TMEM132D: variants seen among roughly 807,000 people sequenced by gnomAD.
TMEM132D encodes transmembrane protein 132D, also known as mature OL transmembrane protein.
A neutral mutation model predicts 62.3 loss-of-function variants in TMEM132D; 21 were observed. The ratio of observed to expected loss-of-function variants is 0.34; its 90% CI spans 0.24 to 0.49. The LOEUF (loss-of-function observed/expected upper bound fraction) is 0.49. Ranked by LOEUF, TMEM132D falls within the 20% of genes least tolerant of loss-of-function variation. The pLI is 0.99. For synonymous variants in TMEM132D, 621 were observed against 575.6 expected, an observed-to-expected ratio of 1.08 and a Z score of -1.13; for missense variants, 1,346 against 1,402.8, an observed-to-expected ratio of 0.96 and a Z score of 0.65.
intron 3 of TMEM132D, among the ~76,000 whole-genome samples, chr12:129,460,457 T>C (rs1230689396): frequency 1.3e-5 from 2 of 152,198 alleles, no homozygotes; most frequent in Non-Finnish European, 2.9e-5. Flanking sequence ...GTAGCAGCTG[T>C]GACATCTATT....
intron 5 of TMEM132D, among the ~76,000 whole-genome samples, chr12:129,104,856 C>A (rs1283535895): frequency 7.1e-6 from 1 of 141,408 alleles, no homozygotes. Context: ...CCATCTTACA[C>A]CAGTTAGAAT....
intron 2 of TMEM132D, among the ~76,000 whole-genome samples, chr12:129,656,586 C>G (rs1049970484): frequency 6.6e-6 from 1 of 152,092 alleles, no homozygotes; most frequent in African/African-American, 2.4e-5. Context: ...AGATGTAATA[C>G]AGTAGAGGGG....
chr12:129,859,330 A>G (rs1226293299), intron 1 of TMEM132D, among the ~76,000 whole-genome samples: 1 of 152,256 alleles, frequency 6.6e-6, no homozygotes, highest in Non-Finnish European at 1.5e-5. Context: ...CTTTGCCATT[A>G]AACGTAATAG....
At chr12:129,222,127 A>G (rs1191999236) in intron 4 of TMEM132D, among the ~76,000 whole-genome samples, 2 of 152,112 alleles carry the variant, frequency 1.3e-5, no homozygotes, top group African/African-American at 4.8e-5. Context: ...AAAATAATAA[A>G]ATAAAATAAT....
intron 2 of TMEM132D, among the ~76,000 whole-genome samples, chr12:129,674,629 T>G (rs1880584995): frequency 6.6e-6 from 1 of 152,280 alleles, no homozygotes; most frequent in Non-Finnish European, 1.5e-5. Context: ...AACCTCCGCC[T>G]CCCAGGTTCA....
chr12:129,433,631 T>G (rs1350808000), intron 3 of TMEM132D, among the ~76,000 whole-genome samples: 2 of 152,120 alleles, frequency 1.3e-5, no homozygotes, highest in Non-Finnish European at 2.9e-5. Flanking sequence ...AAAGAAACAT[T>G]TAGAGAAGCA....
intron 4 of TMEM132D, among the ~76,000 whole-genome samples, chr12:129,322,465 T>A (rs1490961933): frequency 2.0e-5 from 3 of 152,122 alleles, no homozygotes; most frequent in Non-Finnish European, 4.4e-5. Flanking sequence ...GTGAACCAGG[T>A]AGCAACATGC....
At chr12:129,276,668 AAT>A (rs1355696134) in intron 4 of TMEM132D, among the ~76,000 whole-genome samples, 4 of 152,228 alleles carry the variant, frequency 2.6e-5, no homozygotes, top group Non-Finnish European at 5.9e-5. Flanking sequence ...ACTACAAATG[AAT>A]CACAGCCCAC....
chr12:129,739,184 C>T (rs939172250), intron 1 of TMEM132D, among the ~76,000 whole-genome samples: 3 of 152,174 alleles, frequency 2.0e-5, no homozygotes, highest in African/African-American at 7.2e-5. Flanking sequence ...TATCGGCTCC[C>T]GGGTCCCAGT....
At chr12:129,751,059 T>C (rs1869984275) in intron 1 of TMEM132D, among the ~76,000 whole-genome samples, 1 of 152,190 alleles carries the variant, frequency 6.6e-6, no homozygotes, top group South Asian at 2.1e-4. Flanking sequence ...CATTTCCTCA[T>C]TGTGGACATA....
At chr12:129,190,783 T>A (rs1878375410) in intron 5 of TMEM132D, among the ~76,000 whole-genome samples, 1 of 152,194 alleles carries the variant, frequency 6.6e-6, no homozygotes, top group Non-Finnish European at 1.5e-5. Flanking sequence ...TTTGTGTTGT[T>A]TTAAGCCACT....
intron 1 of TMEM132D, among the ~76,000 whole-genome samples, chr12:129,735,641 T>C (rs898139227): frequency 1.3e-5 from 2 of 151,842 alleles, no homozygotes; most frequent in African/African-American, 4.8e-5. Context: ...TAACGTAGAG[T>C]GCAAAAAGGT....
chr12:129,500,703 G>A (rs1240216548), intron 3 of TMEM132D, among the ~76,000 whole-genome samples: 1 of 152,190 alleles, frequency 6.6e-6, no homozygotes, highest in Non-Finnish European at 1.5e-5. Flanking sequence ...TGGAAAAAGA[G>A]AAAGAAAGTG....
chr12:129,523,641 A>C (rs1326127040), intron 3 of TMEM132D, among the ~76,000 whole-genome samples: 5 of 152,242 alleles, frequency 3.3e-5, no homozygotes, highest in Non-Finnish European at 7.3e-5. Flanking sequence ...ACTTGGAAAC[A>C]GAAGATATTA....
At chr12:129,655,581 C>T (rs1466431529) in intron 2 of TMEM132D, among the ~76,000 whole-genome samples, 2 of 151,866 alleles carry the variant, frequency 1.3e-5, no homozygotes, top group Non-Finnish European at 2.9e-5. Context: ...TTCGTGGGGG[C>T]GTTGCAGGGG....
chr12:129,297,623 G>A (rs1881610167), intron 4 of TMEM132D, among the ~76,000 whole-genome samples: 1 of 152,188 alleles, frequency 6.6e-6, no homozygotes, highest in Admixed American at 6.5e-5. Flanking sequence ...CGGGTCAGCT[G>A]CACAGGGTGT....
intron 4 of TMEM132D, among the ~76,000 whole-genome samples, chr12:129,269,745 C>T (rs1257264314): frequency 1.3e-5 from 2 of 152,198 alleles, no homozygotes; most frequent in East Asian, 3.9e-4. Context: ...CTCCAGCTCA[C>T]TTGCATCCTG....
chr12:129,313,645 A>G (rs1470808879), intron 4 of TMEM132D, among the ~76,000 whole-genome samples: 1 of 151,820 alleles, frequency 6.6e-6, no homozygotes, highest in African/African-American at 2.4e-5. Context: ...CGATTTTGCA[A>G]TTGTGAATTG....
At chr12:129,518,509 GTA>G (rs972515940) in intron 3 of TMEM132D, among the ~76,000 whole-genome samples, 2 of 150,320 alleles carry the variant, frequency 1.3e-5, no homozygotes, top group African/African-American at 2.4e-5. Flanking sequence ...GTGTGTGTGT[GTA>G]TATATATGTG....
Sources: gnomAD v4.1 joint callset for allele counts (sites outside exome capture counted in the v4.1 genomes callset) on GRCh38, gnomAD v4.1.1 for gene constraint, MANE v1.5 for transcripts, NCBI Gene and HGNC (gene_info 2026-07-23, HGNC 2026-07-21) for gene names.